The following RCOR1 variants were observed in gnomAD, a reference collection of about 807,000 sequenced individuals.
The protein encoded by RCOR1 is REST corepressor 1.
In RCOR1, 12 loss-of-function variants were observed where a neutral mutation model predicts 64.0. The observed-to-expected ratio is 0.19, with a 90% CI of 0.12 to 0.30. The LOEUF (loss-of-function observed/expected upper bound fraction) is 0.30, where lower values mean the gene tolerates loss of function less well. Among genes scored for constraint, RCOR1 ranks in the 10% least tolerant of loss-of-function variants. The pLI, the probability that RCOR1 is intolerant of heterozygous loss-of-function variation, is 1.00. For synonymous variants in RCOR1, 279 were observed against 227.2 expected, an observed-to-expected ratio of 1.23 and a Z score of -2.05; for missense variants, 502 against 621.2, an observed-to-expected ratio of 0.81 and a Z score of 2.04.
chr14:102,627,494 TAAAAATAC>T (rs1567413172), intron 2 of RCOR1, among the ~76,000 whole-genome samples: 1 of 152,020 alleles, frequency 6.6e-6, no homozygotes, highest in African/African-American at 2.4e-5. Flanking sequence ...CCATCTCTAC[TAAAAATAC>T]AAAAATTAGC....
intron 2 of RCOR1, among the ~76,000 whole-genome samples, chr14:102,634,569 T>C (rs1595204853): frequency 6.6e-6 from 1 of 151,872 alleles, no homozygotes; most frequent in East Asian, 1.9e-4. Flanking sequence ...ATACTAAGTT[T>C]TTTGACATCT....
chr14:102,699,663 C>T (rs1895716302), intron 3 of RCOR1, among the ~76,000 whole-genome samples: 1 of 151,936 alleles, frequency 6.6e-6, no homozygotes, highest in African/African-American at 2.4e-5. Flanking sequence ...TAAGTTTGGC[C>T]ATTGTACCTA....
intron 2 of RCOR1, among the ~76,000 whole-genome samples, chr14:102,598,427 C>T (rs1190547463): frequency 1.3e-5 from 2 of 149,320 alleles, no homozygotes; most frequent in Non-Finnish European, 3.0e-5. Flanking sequence ...GCACGTTAGT[C>T]TTAAAATCCT....
chr14:102,690,307 T>C (rs891405528), intron 3 of RCOR1, among the ~76,000 whole-genome samples: 13 of 152,224 alleles, frequency 8.5e-5, no homozygotes, highest in Non-Finnish European at 4.4e-5. Flanking sequence ...TTCTAAACTT[T>C]CATGTAGATA....
chr14:102,665,329 TTAAATA>T (rs1202351017), intron 2 of RCOR1, among the ~76,000 whole-genome samples: 220 of 150,832 alleles, frequency 1.5e-3, no homozygotes, highest in African/African-American at 5.3e-3. Flanking sequence ...TTTTTTTTTT[TTAAATA>T]AAATAGGCTT....
intron 2 of RCOR1, among the ~76,000 whole-genome samples, chr14:102,654,276 TGCGCCCGGCCAG>T (rs981900851): frequency 2.4e-4 from 36 of 152,068 alleles, no homozygotes; most frequent in Non-Finnish European, 4.9e-4. Flanking sequence ...TCTGAGCCAT[TGCGCCCGGCCAG>T]GTATTTTTTT....
rs1354681633 is a variant in RCOR1 at position 102,620,514 on chromosome 14, C to A, written c.361+27189C>A. The stretch of plus-strand genomic sequence containing the variant: ...CCCGGGAGGCAGAGGTTGTGGTGAG[C>A]CGAGATCGTGCCGTTGTACTTCAGC... On this transcript the variant is annotated intron_variant, in intron 2 of 11. Coordinates refer to ENST00000262241, the MANE Select transcript of RCOR1 (RefSeq NM_015156.4). Among the ~76,000 whole-genome samples, 4 of 152,104 alleles carry A rather than the reference C, an allele frequency of 2.6e-5. No homozygotes were observed. The East Asian group carries it at 7.7e-4, about 29-fold the overall frequency.
rs368325038 is a variant in RCOR1 at position 102,726,572 on chromosome 14, A to G, written c.*66A>G. The G allele has an allele frequency of 9.9e-5, 133 of 1,342,228 alleles. No individual in the cohort carries two copies. The highest frequency in any genetic ancestry group is 1.3e-4 in the Non-Finnish European group (129 of 957,002). The allele number at this position is 1,342,228 out of a possible 1,614,324, so 83.1% of individuals were successfully genotyped here. On this transcript the variant is annotated 3_prime_UTR_variant, in exon 12 of 12. Transcript: ENST00000262241. The stretch of plus-strand genomic sequence containing the variant: ...TATCCGGGATATCAGGTATTATGAG[A>G]CATCACCTAGCCATCTGCATCACAT...
intron 2 of RCOR1, among the ~76,000 whole-genome samples, chr14:102,614,613 G>T (rs1381703058): frequency 6.6e-6 from 1 of 152,094 alleles, no homozygotes; most frequent in Non-Finnish European, 1.5e-5. Context: ...ATTTTGAGTT[G>T]TTGCTTAGTT....
chr14:102,720,329 G>A (rs1896149785), intron 8 of RCOR1, among the ~76,000 whole-genome samples: 1 of 152,216 alleles, frequency 6.6e-6, no homozygotes, highest in Non-Finnish European at 1.5e-5. Context: ...TAGCCTGGGA[G>A]GTTGGTATTG....
intron 2 of RCOR1, among the ~76,000 whole-genome samples, chr14:102,620,196 C>G (rs1893845832): frequency 6.6e-6 from 1 of 151,940 alleles, no homozygotes; most frequent in Non-Finnish European, 1.5e-5. Context: ...TTGAGACCAG[C>G]CTGGGCAAAA....
intron 2 of RCOR1, among the ~76,000 whole-genome samples, chr14:102,679,100 G>A (rs550461451): frequency 3.0e-4 from 46 of 152,246 alleles, no homozygotes; most frequent in African/African-American, 1.0e-3. Flanking sequence ...CTTTTGCAGA[G>A]CAAAAGTTTT....
intron 2 of RCOR1, among the ~76,000 whole-genome samples, chr14:102,597,628 CTTTTTTTTTTT>C (rs57656879): frequency 2.4e-4 from 11 of 44,988 alleles, no homozygotes; most frequent in South Asian, 1.5e-3. Flanking sequence ...TGCGCCCGAC[CTTTTTTTTTTT>C]TTTTTTTTTT....
At chr14:102,596,391 C>A (rs1893248677) in intron 2 of RCOR1, among the ~76,000 whole-genome samples, 1 of 152,182 alleles carries the variant, frequency 6.6e-6, no homozygotes, top group South Asian at 2.1e-4. Context: ...GGGTGAGCCA[C>A]CGTGCCCAGC....
chr14:102,717,104 T>C (rs1202032008), intron 8 of RCOR1, among the ~76,000 whole-genome samples: 1 of 152,240 alleles, frequency 6.6e-6, no homozygotes, highest in Non-Finnish European at 1.5e-5. Flanking sequence ...TAAATTACTT[T>C]TTATAATTAT....
intron 4 of RCOR1, among the ~76,000 whole-genome samples, chr14:102,706,217 A>C (rs377228241): frequency 6.6e-6 from 1 of 152,008 alleles, no homozygotes. Context: ...TAGCCAAATG[A>C]CAGAAGTCCC....
At chr14:102,662,901 G>C (rs574641030) in intron 2 of RCOR1, among the ~76,000 whole-genome samples, 1 of 152,246 alleles carries the variant, frequency 6.6e-6, no homozygotes, top group South Asian at 2.1e-4. Flanking sequence ...ATTGCTAGAG[G>C]CTCGGGTAAA....
chr14:102,623,499 C>T (rs1438159822), intron 2 of RCOR1, among the ~76,000 whole-genome samples: 1 of 151,696 alleles, frequency 6.6e-6, no homozygotes, highest in Admixed American at 6.6e-5. Context: ...AGCTCCGCCT[C>T]CTGGGTTCAC....
At chr14:102,639,497 T>TTTTATTTA (rs3069233) in intron 2 of RCOR1, among the ~76,000 whole-genome samples, 2,121 of 135,380 alleles carry the variant, frequency 0.016, 22 homozygotes, top group East Asian at 0.021. Flanking sequence ...ATTTTTTAAT[T>TTTTATTTA]TTTATTTATT....
Sources: gnomAD v4.1 joint callset for allele counts (sites outside exome capture counted in the v4.1 genomes callset) on GRCh38, gnomAD v4.1.1 for gene constraint, MANE v1.5 for transcripts, NCBI Gene and HGNC (gene_info 2026-07-23, HGNC 2026-07-21) for gene names.